Variants in CDIN1 observed in about 807,000 individuals in gnomAD.
CDIN1 encodes CDAN1-interacting nuclease 1.
In CDIN1, 33 loss-of-function variants were observed where a neutral mutation model predicts 45.3. The ratio of observed to expected loss-of-function variants is 0.73; its 90% CI spans 0.55 to 0.97. The LOEUF is 0.97. CDIN1 is among the 50% of genes least tolerant of loss of function. The pLI is 0.00. For synonymous variants in CDIN1, 118 were observed against 124.4 expected (o/e 0.95, Z 0.34); for missense variants, 303 against 339.4 (o/e 0.89, Z 0.84).
At chr15:36,632,180 C>A (rs191654610) in intron 1 of CDIN1, among the ~76,000 whole-genome samples, 100 of 152,214 alleles carry the variant, frequency 6.6e-4, no homozygotes, top group African/African-American at 2.3e-3. Flanking sequence ...TTTTCCAAAG[C>A]GGCTACACCA....
At chr15:36,671,707 G>A (rs2041458384) in intron 5 of CDIN1, among the ~76,000 whole-genome samples, 1 of 152,080 alleles carries the variant, frequency 6.6e-6, no homozygotes, top group African/African-American at 2.4e-5. Flanking sequence ...CTAGGATTTA[G>A]TTCATTCGTC....
intron 7 of CDIN1, among the ~76,000 whole-genome samples, chr15:36,693,108 A>G (rs905673842): frequency 1.3e-5 from 2 of 152,180 alleles, no homozygotes; most frequent in Admixed American, 1.3e-4. Context: ...AACTCCTGCT[A>G]GTCAAATCGT....
chr15:36,757,745 G>A (rs891617294), intron 10 of CDIN1, among the ~76,000 whole-genome samples: 2 of 152,088 alleles, frequency 1.3e-5, no homozygotes, highest in South Asian at 4.1e-4. Flanking sequence ...ATCTGAAGCA[G>A]ATGATCCTCC....
At chr15:36,771,316 C>T (rs1200754892) in intron 10 of CDIN1, among the ~76,000 whole-genome samples, 1 of 152,010 alleles carries the variant, frequency 6.6e-6, no homozygotes, top group Non-Finnish European at 1.5e-5. Flanking sequence ...CAAACCTGCA[C>T]ATTCTGCACA....
chr15:36,685,046 AT>A (rs1196958475), intron 5 of CDIN1, among the ~76,000 whole-genome samples: 1 of 151,982 alleles, frequency 6.6e-6, no homozygotes, highest in Admixed American at 6.6e-5. Flanking sequence ...GGATTCATTA[AT>A]TTTTTGAAGG....
intron 1 of CDIN1, among the ~76,000 whole-genome samples, chr15:36,611,767 C>A (rs545227017): frequency 3.9e-4 from 59 of 152,288 alleles, no homozygotes; most frequent in African/African-American, 1.4e-3. Context: ...TGCCTTTTAT[C>A]AAATGAATAT....
chr15:36,784,561 G>A (rs544960128), intron 10 of CDIN1, among the ~76,000 whole-genome samples: 15 of 152,222 alleles, frequency 9.9e-5, no homozygotes, highest in Admixed American at 2.0e-4. Flanking sequence ...TTTTCCTGTT[G>A]CCCTTATTAT....
chr15:36,733,401 A>G (rs2043901546), intron 10 of CDIN1, among the ~76,000 whole-genome samples: 2 of 152,102 alleles, frequency 1.3e-5, no homozygotes, highest in South Asian at 4.1e-4. Flanking sequence ...AAACCTGAAA[A>G]TCTGAGACTC....
intron 1 of CDIN1, chr15:36,613,676 C>T (rs878856105): frequency 3.5e-5 from 50 of 1,444,402 alleles, no homozygotes; most frequent in Middle Eastern, 2.1e-4. Context: ...TGCTCAGGAG[C>T]GCCTGGCTAC....
intron 5 of CDIN1, among the ~76,000 whole-genome samples, chr15:36,680,669 A>G (rs1478925290): frequency 6.6e-6 from 1 of 152,186 alleles, no homozygotes; most frequent in African/African-American, 2.4e-5. Context: ...AAGAGCCGGA[A>G]TTGAGCTTCC....
At chr15:36,610,218 A>G (rs78649934) in intron 1 of CDIN1, among the ~76,000 whole-genome samples, 14 of 152,372 alleles carry the variant, frequency 9.2e-5, no homozygotes, top group Admixed American at 3.3e-4. Context: ...GGATAATTGC[A>G]TGTTGAAATG....
At chr15:36,606,878 G>T (rs183623945) in intron 1 of CDIN1, among the ~76,000 whole-genome samples, 2 of 152,236 alleles carry the variant, frequency 1.3e-5, no homozygotes, top group Admixed American at 1.3e-4. Flanking sequence ...CAATTAGGGG[G>T]TGGTTAATTT....
intron 5 of CDIN1, among the ~76,000 whole-genome samples, chr15:36,669,863 A>G (rs2041383294): frequency 6.6e-6 from 1 of 152,024 alleles, no homozygotes; most frequent in Middle Eastern, 3.2e-3. Context: ...TATCAACATG[A>G]TTTATCACTG....
chr15:36,703,371 C>CTG (rs1555397329), intron 8 of CDIN1, among the ~76,000 whole-genome samples: 55 of 25,212 alleles, frequency 2.2e-3, no homozygotes, highest in African/African-American at 0.012. Context: ...ATAGATCTAT[C>CTG]ATATATATAT....
At chr15:36,611,389 T>A (rs1022934461) in intron 1 of CDIN1, among the ~76,000 whole-genome samples, 2 of 152,240 alleles carry the variant, frequency 1.3e-5, no homozygotes, top group African/African-American at 4.8e-5. Flanking sequence ...AGGTGCTTGA[T>A]AAATATTTGT....
chr15:36,805,598 C>A (rs920297795), intron 10 of CDIN1, among the ~76,000 whole-genome samples: 1 of 152,172 alleles, frequency 6.6e-6, no homozygotes, highest in Non-Finnish European at 1.5e-5. Context: ...ACCTCTTCTA[C>A]CATTTTTGAT....
At chr15:36,597,044 CTTAAA>C (rs1203550177) in intron 1 of CDIN1, among the ~76,000 whole-genome samples, 1 of 152,122 alleles carries the variant, frequency 6.6e-6, no homozygotes, top group Non-Finnish European at 1.5e-5. Flanking sequence ...TGATTTATTG[CTTAAA>C]TTAATGACCA....
rs2040219764 is a variant in CDIN1, at chr15:36,644,189, CAGCAGGCCTACCTTTGA to C, written c.102-85_102-69del. ...TTTCATGTTCTGTTAGATTACAGGG[CAGCAGGCCTACCTTTGA>C]AGCTCCTTTCTCTTTTGTTTCTTTG... On this transcript the variant is annotated intron_variant, in intron 1 of 10. Coordinates refer to ENST00000566621, the MANE Select transcript of CDIN1 (RefSeq NM_001321759.2). 5.7e-6 allele frequency: 7 copies of C among 1,226,764 alleles called. No homozygotes were observed. The Admixed American group carries it at 1.3e-4, about 23-fold the overall frequency. 76.0% of individuals were successfully genotyped at this position (1,226,764 alleles called of 1,614,324 possible). A position where few individuals can be genotyped will look rare whatever the true frequency, so the allele number is the denominator to read the frequency against.
chr15:36,618,227 C>A lies in CDIN1; in HGVS notation c.102-26051C>A. The A allele has an allele frequency of 4.4e-6, 3 of 675,634 alleles. No homozygotes were observed. The South Asian group carries it at 5.2e-5, about 12-fold the overall frequency. The allele number at this position is 675,634 out of a possible 1,614,324, so 41.9% of individuals were successfully genotyped here. ...AAAAACCTGAAGCCTCATTTTAGGT[C>A]ATCCAGTGGTTCAGAACACTCAACA... On this transcript the variant is annotated intron_variant, in intron 1 of 10. Transcript: ENST00000566621.
Sources: allele counts gnomAD v4.1 joint callset (sites outside exome capture counted in the v4.1 genomes callset), GRCh38; gene constraint gnomAD v4.1.1; transcripts MANE v1.5; gene names NCBI Gene and HGNC (gene_info 2026-07-23, HGNC 2026-07-21).